Variants in MYO15B observed in about 807,000 individuals in gnomAD.
MYO15B encodes myosin XVB, also known as myosin XVB pseudogene.
In MYO15B, 207 loss-of-function variants were observed where a neutral mutation model predicts 119.3. That is an observed-to-expected ratio of 1.73 (90% CI 1.55 to 1.95). The LOEUF is 1.95. Among genes scored for constraint, MYO15B ranks in the 30% most tolerant of loss-of-function variants. The pLI, the probability that MYO15B is intolerant of heterozygous loss-of-function variation, is 0.00. For synonymous variants in MYO15B, 966 were observed against 498.9 expected (o/e 1.94, Z -12.48); for missense variants, 2,264 against 1,203.1 (o/e 1.88, Z -13.04).
Position 75,610,279 on chromosome 17 carries a change from G to A in MYO15B, c.4386+20G>A. ...CTGCAGGTGCAGGGGCTTGGGTGGG[G>A]CGGTTCAGGGTAGAAGCCAGGCTGC... On this transcript the variant is annotated intron_variant, in intron 22 of 63. Coordinates refer to ENST00000645453, the Ensembl canonical transcript of MYO15B. 1.4e-6 allele frequency: 1 copy of A among 690,078 alleles called. No individual in the cohort carries two copies. Among genetic ancestry groups the A allele is most frequent in the Non-Finnish European group, 2.6e-6 (1 of 378,326 alleles). The allele number at this position is 690,078 out of a possible 1,614,324, so 42.7% of individuals were successfully genotyped here.
chr17:75,614,260 G>A (rs1317325735), exon 30 of MYO15B: 1 of 702,694 alleles, frequency 1.4e-6, no homozygotes, highest in East Asian at 2.7e-5. Context: ...CGCATGGCAG[G>A]ACTTGGCTGG....
At chr17:75,592,916 G>A in intron 9 of MYO15B, 76 bp downstream of exon 9, 1 of 659,250 alleles carries the variant, frequency 1.5e-6, no homozygotes, top group Non-Finnish European at 2.8e-6. Context: ...GACGCCAAAT[G>A]CTGGTGTGTA....
chr17:75,601,581 C>A lies in MYO15B; in HGVS notation c.3651+18C>A. 1 of 702,526 alleles carries A rather than the reference C, an allele frequency of 1.4e-6. No homozygotes were observed. Among genetic ancestry groups the A allele is most frequent in the Non-Finnish European group, 2.6e-6 (1 of 384,618 alleles). The allele number at this position is 702,526 out of a possible 1,614,324, so 43.5% of individuals were successfully genotyped here. A position where few individuals can be genotyped will look rare whatever the true frequency, so the allele number is the denominator to read the frequency against. On this transcript the variant is annotated intron_variant, in intron 15 of 63. Transcript: ENST00000645453. ...CCTACCAGGTACCTGGCCTCAGGGA[C>A]AGACCAGGGTGAATCAGCGAGGGCA... is the stretch of plus-strand genomic sequence containing the variant.
intron 1 of MYO15B, 163 bp downstream of exon 1, chr17:75,590,406 C>T (rs867165287): frequency 4.0e-5 from 16 of 397,944 alleles, no homozygotes; most frequent in African/African-American, 2.7e-4. Context: ...ACAGGTGCTA[C>T]GTCCCCAGGA....
intron 28 of MYO15B, 29 bp from the exon 29 acceptor site, chr17:75,613,676 T>C (rs1272971760): frequency 7.1e-6 from 5 of 700,200 alleles, no homozygotes; most frequent in Non-Finnish European, 1.3e-5. Flanking sequence ...TGTCCCTCAC[T>C]CTTGCCCCCG....
chr17:75,615,021 A>C (rs1349483305), exon 33 of MYO15B: 1 of 702,828 alleles, frequency 1.4e-6, no homozygotes, highest in African/African-American at 1.7e-5. Context: ...CATTGGGCCC[A>C]CACAGCAGGG....
At chr17:75,620,522 G>A (rs761202869) in exon 49 of MYO15B, 3 of 702,814 alleles carry the variant, frequency 4.3e-6, no homozygotes, top group Middle Eastern at 4.6e-4. Context: ...CCGACATAGT[G>A]CAGCCGGCTG....
chr17:75,616,202 C>G (rs755165730), intron 37 of MYO15B, 55 bp downstream of exon 37: 5 of 571,670 alleles, frequency 8.7e-6, no homozygotes, highest in African/African-American at 1.9e-5. Context: ...TGCCCCTGGC[C>G]CGGGCCAGGG....
chr17:75,614,429 A>G (rs952836993), intron 30 of MYO15B, 69 bp downstream of exon 30: 4 of 680,836 alleles, frequency 5.9e-6, no homozygotes, highest in East Asian at 5.4e-5. Context: ...ACCCTGCCAC[A>G]CTCAGGGGTT....
In MYO15B at chr17:75,615,220, G is replaced by T; in HGVS notation, c.5642-20G>T. ...ATGTGGGCCCAGGCAGGGACTGACA[G>T]GGAGGGCGTGTTCCCTCAGTGTACC... is the stretch of plus-strand genomic sequence containing the variant. On this transcript the variant is annotated intron_variant, in intron 33 of 63. Transcript: ENST00000645453. 1.4e-6 allele frequency: 1 copy of T among 698,188 alleles called. No individual in the cohort carries two copies. The highest frequency in any genetic ancestry group is 2.6e-6 in the Non-Finnish European group (1 of 381,564). The allele number at this position is 698,188 out of a possible 1,614,324, so 43.2% of individuals were successfully genotyped here.
chr17:75,611,003 C>A (rs2057992868), intron 23 of MYO15B, 44 bp downstream of exon 23: 4 of 702,766 alleles, frequency 5.7e-6, no homozygotes, highest in Non-Finnish European at 1.0e-5. Context: ...GGGCTATGAA[C>A]CTGCTGAGAC....
At chr17:75,602,278 T>C in intron 15 of MYO15B, 2 of 633,646 alleles carry the variant, frequency 3.2e-6, no homozygotes, top group Non-Finnish European at 5.7e-6. Flanking sequence ...TTGACTAGCA[T>C]AGGTTAAAGC....
chr17:75,605,602 A>G (rs752645528), exon 20 of MYO15B: 109 of 702,830 alleles, frequency 1.6e-4, no homozygotes, highest in African/African-American at 8.5e-4. Flanking sequence ...TCACCTCTCT[A>G]TCACCTTGGA....
At chr17:75,611,224 G>A (rs543697059) in intron 23 of MYO15B, among the ~76,000 whole-genome samples, 1 of 152,164 alleles carries the variant, frequency 6.6e-6, no homozygotes, top group East Asian at 1.9e-4. Flanking sequence ...AGCACTTTGA[G>A]GTCGAGGTGT....
intron 58 of MYO15B, 22 bp downstream of exon 58, chr17:75,624,661 C>T (rs1327431382): frequency 2.8e-6 from 2 of 702,896 alleles, no homozygotes; most frequent in East Asian, 2.7e-5. Context: ...GACGGAGCCT[C>T]ACGGTGGGGC....
chr17:75,619,554 G>A (rs1598903436), intron 45 of MYO15B, 78 bp downstream of exon 45: 1 of 685,550 alleles, frequency 1.5e-6, no homozygotes, highest in East Asian at 2.7e-5. Flanking sequence ...CAGACCACAA[G>A]CAGGAGAGCC....
At chr17:75,595,078 TTGTC>T in intron 12 of MYO15B, 106 bp downstream of exon 12, 1 of 643,950 alleles carries the variant, frequency 1.6e-6, no homozygotes, top group Non-Finnish European at 2.8e-6. Context: ...CGCGAGGTGC[TTGTC>T]TGTCTGGCAG....
At chr17:75,626,180 C>T in exon 63 of MYO15B, 1 of 703,086 alleles carries the variant, frequency 1.4e-6, no homozygotes, top group Non-Finnish European at 2.6e-6. Flanking sequence ...TGGAAGTCAA[C>T]TATGGCTCAG....
intron 21 of MYO15B, among the ~76,000 whole-genome samples, chr17:75,609,066 G>A (rs918643471): frequency 3.3e-5 from 5 of 151,872 alleles, no homozygotes; most frequent in South Asian, 2.1e-4. Context: ...GGGATTCACC[G>A]TGTTGGCCAG....
Sources: gnomAD v4.1 joint callset for allele counts (sites outside exome capture counted in the v4.1 genomes callset) on GRCh38, gnomAD v4.1.1 for gene constraint, MANE v1.5 for transcripts, NCBI Gene and HGNC (gene_info 2026-07-23, HGNC 2026-07-21) for gene names.